The following ARHGAP45 variants were observed in gnomAD, a reference collection of about 807,000 sequenced individuals.
ARHGAP45 encodes Rho GTPase activating protein 45, also known as rho GTPase-activating protein 45.
Under a neutral mutation model 116.1 loss-of-function variants are expected in ARHGAP45, and 56 were observed. The observed-to-expected ratio is 0.48, with a 90% confidence interval of 0.39 to 0.60. ARHGAP45 has a LOEUF of 0.60. Ranked by LOEUF, ARHGAP45 falls within the 20% of genes least tolerant of loss-of-function variation. The pLI, the probability that ARHGAP45 is intolerant of heterozygous loss-of-function variation, is 0.00. For synonymous variants in ARHGAP45, 866 were observed against 701.7 expected (o/e 1.23, Z -3.70); for missense variants, 1,622 against 1,601.0 (o/e 1.01, Z -0.22).
upstream of ARHGAP45, chr19:1,067,160 C>T (rs904251302): frequency 1.1e-5 from 14 of 1,222,898 alleles, no homozygotes; most frequent in African/African-American, 2.2e-4. Flanking sequence ...ACCTCACCTT[C>T]GCGCCCACTC....
chr19:1,073,695 T>A lies in ARHGAP45; in HGVS notation c.672T>A (p.Gly224=), dbSNP rs570969655. 4 of 1,605,594 alleles carry A rather than the reference T, an allele frequency of 2.5e-6. No individual in the cohort carries two copies. The highest frequency in any genetic ancestry group is 3.4e-6 in the Non-Finnish European group (4 of 1,175,882). The change falls in exon 5 of 23, where the codon GGT becomes GGA. Residue 224 remains glycine, a synonymous_variant. Coordinates refer to ENST00000313093, the MANE Select transcript of ARHGAP45 (RefSeq NM_012292.5). ...FSSTVSEFLM[G]EVDSSTLLAV... ...GCAGAGTGTCCGAGTTCCTCATGGGTGAAGTGGACAGCAGCACCCTCCTAG... is the reference window on the plus strand; with the variant it reads ...GCAGAGTGTCCGAGTTCCTCATGGGAGAAGTGGACAGCAGCACCCTCCTAG...
chr19:1,081,037 C>G lies in ARHGAP45; in HGVS notation c.2163C>G (p.Val721=). The G allele has an allele frequency of 1.2e-6, 2 of 1,609,060 alleles. No homozygotes were observed. The highest frequency in any genetic ancestry group is 1.7e-6 in the Non-Finnish European group (2 of 1,178,632). Residue 721 remains valine (V), a synonymous_variant, in exon 17 of 23, where the codon GTC becomes GTG. Transcript: ENST00000313093. ...PAKCRECNSY[V]YFQGAECEEC... is the part of the protein sequence containing the mutation. ...AGTGCCGCGAGTGCAACAGCTACGTCTACTTCCAGGGTGCTGAGTGTGAAG... is the reference window on the plus strand; with the variant it reads ...AGTGCCGCGAGTGCAACAGCTACGTGTACTTCCAGGGTGCTGAGTGTGAAG...
At position 1,077,977 on chromosome 19, in the gene ARHGAP45, G is replaced by A; in HGVS notation, c.1306G>A (p.Gly436Arg). 1 of 1,553,896 alleles carries A rather than the reference G, an allele frequency of 6.4e-7. No homozygotes were observed. ...GGAGGAGCAGGCTGGCAGCGCGCCG[G>A]GAGCAGGCAGCACGGCCACCAAGAC... ...AEEEQAGSAP[G>R]AGSTATKTLD... The change falls in exon 11 of 23, where the codon GGA becomes AGA. Residue 436 changes from glycine to arginine, a missense_variant. Physicochemically the swap from Gly to Arg is moderately radical, Grantham distance 125. Around this residue, in one of 3 missense-constraint regions of ARHGAP45, gnomAD observed 1,334 missense variants for 1,263.8 expected, o/e 1.06. Transcript: ENST00000313093.
chr19:1,082,295 G>A (rs1017478424), intron 19 of ARHGAP45, among the ~76,000 whole-genome samples: 1 of 145,422 alleles, frequency 6.9e-6, no homozygotes, highest in Non-Finnish European at 1.5e-5. Context: ...CGGGGCCGGG[G>A]CTCGGTGGGG....
rs116334356 is a variant in ARHGAP45 at position 1,079,887 on chromosome 19, G to A, written c.1513-41G>A. On this transcript the variant is annotated intron_variant, in intron 12 of 22. Transcript: ENST00000313093. ...CCCGGGCGGGGATGGTGGACCGGGC[G>A]GCCTCCTCCTGACCCCTCCGCTCTC... is the stretch of plus-strand genomic sequence containing the variant. The A allele has an allele frequency of 1.2e-3, 1,901 of 1,592,668 alleles. 23 individuals are homozygous for A. In the African/African-American group the frequency reaches 0.022, roughly 19 times the overall value.
intron 19 of ARHGAP45, 89 bp from the exon 20 acceptor site, chr19:1,082,751 G>A: frequency 1.7e-6 from 2 of 1,152,756 alleles, no homozygotes; most frequent in Non-Finnish European, 2.4e-6. Flanking sequence ...AGTGCTCTGT[G>A]GGGGTGGGGC....
Position 1,086,233 on chromosome 19 carries a change from C to T in ARHGAP45, c.*227C>T, listed in dbSNP as rs567490761. The T allele has an allele frequency of 1.3e-5, 7 of 546,294 alleles. No individual in the cohort carries two copies. In the South Asian group the frequency reaches 1.3e-4, roughly 11 times the overall value. 33.8% of individuals were successfully genotyped at this position (546,294 alleles called of 1,614,324 possible). ...CTGTGCTGTCCCCTGCACCCCGGCT[C>T]AGCTGAGCTGGGGAACACTGCTGTC... On this transcript the variant is annotated 3_prime_UTR_variant, in exon 23 of 23. Transcript: ENST00000313093.
chr19:1,081,007 C>A lies in ARHGAP45; in HGVS notation c.2133C>A (p.Pro711=). 6.2e-7 allele frequency: 1 copy of A among 1,608,346 alleles called. No homozygotes were observed. The highest frequency in any genetic ancestry group is 8.5e-7 in the Non-Finnish European group (1 of 1,178,258). ...RTHRLRKLRT[P]AKCRECNSYV... The stretch of plus-strand genomic sequence containing the variant: ...ACCGGCTCCGGAAGCTCCGCACGCC[C>A]GCCAAGTGCCGCGAGTGCAACAGCT... Residue 711 remains proline (P), a synonymous_variant, in exon 17 of 23, where the codon CCC becomes CCA. Transcript: ENST00000313093.
upstream of ARHGAP45, chr19:1,066,451 C>T: frequency 2.1e-6 from 1 of 477,156 alleles, no homozygotes; most frequent in Non-Finnish European, 3.9e-6. Flanking sequence ...GGGCTGGGGA[C>T]CTTAGCTAAG....
intron 10 of ARHGAP45, 36 bp from the exon 11 acceptor site, chr19:1,077,821 G>C: frequency 6.4e-7 from 1 of 1,550,926 alleles, no homozygotes; most frequent in Non-Finnish European, 8.7e-7. Flanking sequence ...TCCGAGGATA[G>C]GGTTGGAACT....
Position 1,085,797 on chromosome 19 carries a change from T to G in ARHGAP45, c.3202T>G (p.Ser1068Ala), listed in dbSNP as rs1171649323. The change falls in exon 23 of 23, where the codon TCT becomes GCT. Residue 1068 changes from serine (S) to alanine (A), a missense_variant. Around this residue, in one of 3 missense-constraint regions of ARHGAP45, gnomAD observed 1,334 missense variants for 1,263.8 expected, o/e 1.06. Coordinates refer to ENST00000313093, the MANE Select transcript of ARHGAP45 (RefSeq NM_012292.5). ...QQSEASLEVA[S>A]GSHSGSEEQL... ...GAGCGAGGCCAGCCTAGAGGTGGCT[T>G]CTGGCAGCCACAGCGGCAGTGAGGA... 9 of 1,612,690 alleles carry G rather than the reference T, an allele frequency of 5.6e-6. No homozygotes were observed. The highest frequency in any genetic ancestry group is 1.7e-5 in the Admixed American group (1 of 59,992).
Position 1,082,990 on chromosome 19 carries a change from C to G in ARHGAP45, c.2668C>G (p.Arg890Gly). 6.5e-7 allele frequency: 1 copy of G among 1,549,864 alleles called. No homozygotes were observed. The highest frequency in any genetic ancestry group is 1.3e-5 in the African/African-American group (1 of 74,092). The part of the protein sequence containing the change: ...SEAVAVALAG[R>G]LRELLRDLPP... Reference sequence around the variant, plus strand: ...GGCAGTGGCGGTGGCCCTGGCAGGTCGGCTGCGGGAGCTCCTGCGGGACCT... The same window carrying G: ...GGCAGTGGCGGTGGCCCTGGCAGGTGGGCTGCGGGAGCTCCTGCGGGACCT... Residue 890 changes from arginine (R) to glycine (G), a missense_variant, in exon 20 of 23, where the codon CGG becomes GGG. Arg to Gly is a moderately radical substitution (Grantham distance 125). This residue lies in a region of ARHGAP45 where 1,334 missense variants were observed against 1,263.8 expected (regional missense o/e 1.06). Coordinates refer to ENST00000313093, the MANE Select transcript of ARHGAP45 (RefSeq NM_012292.5).
Position 1,074,361 on chromosome 19 carries a change from G to A in ARHGAP45, c.947G>A (p.Gly316Asp). ...CCCGCAGAGATGGAGTTTGCCAAGG[G>A]CCTGCAGAAGATCGCTCACAACTGC... ...RTTLEMEFAK[G>D]LQKIAHNCRQ... Residue 316 changes from glycine (G) to aspartate (D), a missense_variant, in exon 8 of 23, where the codon GGC (glycine) becomes GAC (aspartate). Physicochemically the swap from Gly to Asp is moderately conservative, Grantham distance 94. Transcript: ENST00000313093. The A allele has an allele frequency of 1.2e-6, 2 of 1,606,706 alleles. No individual in the cohort carries two copies. The highest frequency in any genetic ancestry group is 8.5e-7 in the Non-Finnish European group (1 of 1,176,746).
Position 1,071,017 on chromosome 19 carries a change from T to G in ARHGAP45, c.422-2132T>G, listed in dbSNP as rs760792011. On this transcript the variant is annotated intron_variant, in intron 2 of 22. Transcript: ENST00000313093. This position sits in a 1 kb window ranked among gnomAD's most constrained non-coding sequence, Gnocchi z 4.6. ...TCAGGCAGCTAGGAGGGGACCCACA[T>G]GGACGGTGCCACCCCGACACTTCCC... Among the ~76,000 whole-genome samples the G allele has an allele frequency of 1.3e-5, 2 of 152,210 alleles. No individual in the cohort carries two copies. Among genetic ancestry groups the G allele is most frequent in the Non-Finnish European group, 2.9e-5 (2 of 68,018 alleles).
intron 22 of ARHGAP45, among the ~76,000 whole-genome samples, chr19:1,085,137 A>G (rs1015369521): frequency 2.6e-5 from 4 of 152,176 alleles, no homozygotes; most frequent in African/African-American, 9.7e-5. Flanking sequence ...TAATGGAGTT[A>G]CAGTTCCATG....
Position 1,081,811 on chromosome 19 carries a change from C to T in ARHGAP45, c.2380-13C>T. ...CGAGGCTGATGGGCCTCCCCACCCC[C>T]GGGCTCCCGCAGGGCATCTACCGGG... On this transcript the variant is annotated splice_polypyrimidine_tract_variant and intron_variant, in intron 18 of 22. Transcript: ENST00000313093. 6.3e-7 allele frequency: 1 copy of T among 1,598,366 alleles called. No individual in the cohort carries two copies. Among genetic ancestry groups the T allele is most frequent in the Non-Finnish European group, 8.5e-7 (1 of 1,172,860 alleles).
At position 1,086,073 on chromosome 19, in the gene ARHGAP45, C is replaced by T; in HGVS notation, c.*67C>T. 2 of 1,396,838 alleles carry T rather than the reference C, an allele frequency of 1.4e-6. No individual in the cohort carries two copies. Among genetic ancestry groups the T allele is most frequent in the South Asian group, 1.3e-5 (1 of 79,040 alleles). 86.5% of individuals were successfully genotyped at this position (1,396,838 alleles called of 1,614,324 possible). On this transcript the variant is annotated 3_prime_UTR_variant, in exon 23 of 23. Coordinates refer to ENST00000313093, the MANE Select transcript of ARHGAP45 (RefSeq NM_012292.5). ...TGCTCCTGTCCCTCCAGCACGTCCC[C>T]TGCACCACGGCATAGCTTAGGTGCG...
rs1485426929 is a variant in ARHGAP45 at position 1,083,253 on chromosome 19, C to A, written c.2855C>A (p.Ser952Tyr). 6.2e-7 allele frequency: 1 copy of A among 1,603,850 alleles called. No individual in the cohort carries two copies. Among genetic ancestry groups the A allele is most frequent in the Admixed American group, 1.7e-5 (1 of 59,052 alleles). Residue 952 changes from serine to tyrosine, a missense_variant, in exon 21 of 23, where the codon TCC becomes TAC. This residue lies in a region of ARHGAP45 where 1,334 missense variants were observed against 1,263.8 expected (regional missense o/e 1.06). Coordinates refer to ENST00000313093, the MANE Select transcript of ARHGAP45 (RefSeq NM_012292.5). ...ACCGAGGCCACCGTGTCCCTCTCCT[C>A]CCTGGTGGATTATCCCCATCAGGCC... ...RPTEATVSLS[S>Y]LVDYPHQARV...
In ARHGAP45 at chr19:1,085,684, C is replaced by A; in HGVS notation, c.3089C>A (p.Ser1030Ter). The change falls in exon 23 of 23, where the codon TCG becomes TAG. Residue 1030 changes from serine (S) to a stop codon, truncating the protein, a stop_gained. Coordinates refer to ENST00000313093, the MANE Select transcript of ARHGAP45 (RefSeq NM_012292.5). LOFTEE classifies it low-confidence loss of function (END_TRUNC). ...CRESRVVSND[S>*]DSDLEEASEL... ...GAATCCCGAGTTGTGTCCAACGATT[C>A]GGACTCGGACCTAGAGGAGGCCTCC... 1.3e-6 allele frequency: 2 copies of A among 1,583,220 alleles called. No homozygotes were observed. The highest frequency in any genetic ancestry group is 1.7e-6 in the Non-Finnish European group (2 of 1,160,796).
Sources: allele counts gnomAD v4.1 joint callset (sites outside exome capture counted in the v4.1 genomes callset), GRCh38; gene constraint gnomAD v4.1.1; regional missense constraint gnomAD v4.1.1; non-coding constraint Gnocchi (gnomAD v3.1); transcripts MANE v1.5; gene names NCBI Gene and HGNC (gene_info 2026-07-23, HGNC 2026-07-21).